The following CDH8 variants were observed in gnomAD, a reference collection of about 807,000 sequenced individuals.
CDH8 encodes the protein cadherin-8.
Under a neutral mutation model 68.1 loss-of-function variants are expected in CDH8, and 17 were observed. That is an observed-to-expected ratio of 0.25 (90% CI 0.17 to 0.37). The LOEUF (loss-of-function observed/expected upper bound fraction) is 0.37. Among genes scored for constraint, CDH8 ranks in the 10% least tolerant of loss-of-function variants. The pLI is 1.00. For synonymous variants in CDH8, 372 were observed against 365.1 expected (o/e 1.02, Z -0.21); for missense variants, 763 against 999.3 (o/e 0.76, Z 3.19).
intron 2 of CDH8, among the ~76,000 whole-genome samples, chr16:61,982,703 A>T (rs1025938308): frequency 1.3e-5 from 2 of 152,242 alleles, no homozygotes; most frequent in African/African-American, 2.4e-5. Flanking sequence ...GCCATTCTTA[A>T]TTCTAGAAGT....
chr16:61,780,247 C>T (rs1961014288), intron 8 of CDH8, among the ~76,000 whole-genome samples: 2 of 152,164 alleles, frequency 1.3e-5, no homozygotes, highest in South Asian at 2.1e-4. Context: ...GGGGTTGCTA[C>T]TAGCAGAGAT....
At chr16:61,804,502 A>T (rs908147481) in intron 7 of CDH8, among the ~76,000 whole-genome samples, 1 of 150,614 alleles carries the variant, frequency 6.6e-6, no homozygotes, top group East Asian at 2.0e-4. Context: ...GACACAAAAA[A>T]CCCTTCAAAA....
At chr16:61,947,097 A>G (rs566466413) in intron 2 of CDH8, among the ~76,000 whole-genome samples, 46 of 152,306 alleles carry the variant, frequency 3.0e-4, no homozygotes, top group African/African-American at 1.1e-3. Flanking sequence ...AAGAATTTCA[A>G]GACTGATCAA....
intron 2 of CDH8, among the ~76,000 whole-genome samples, chr16:61,959,966 GTGTA>G (rs200231632): frequency 0.022 from 1,223 of 54,968 alleles, 38 homozygotes; most frequent in African/African-American, 0.072. Flanking sequence ...TCTGTATGTG[GTGTA>G]TGTGTGTGTG....
chr16:61,835,644 C>T (rs1205431447), intron 4 of CDH8, among the ~76,000 whole-genome samples: 4 of 151,800 alleles, frequency 2.6e-5, no homozygotes, highest in African/African-American at 9.7e-5. Flanking sequence ...TTTCTTTTTT[C>T]CTAAATGAAA....
chr16:61,768,365 T>TCA, intron 8 of CDH8, among the ~76,000 whole-genome samples: 1 of 100,840 alleles, frequency 9.9e-6, no homozygotes, highest in African/African-American at 4.1e-5. Flanking sequence ...TCTCTCTCTC[T>TCA]CTCCCTTTCT....
At chr16:61,719,281 T>G (rs1015383864) in intron 9 of CDH8, among the ~76,000 whole-genome samples, 5 of 151,190 alleles carry the variant, frequency 3.3e-5, no homozygotes, top group Non-Finnish European at 7.4e-5. Flanking sequence ...AAGTCTTCAG[T>G]CCTCTGGGTA....
At chr16:61,746,936 G>A (rs1299102979) in intron 8 of CDH8, among the ~76,000 whole-genome samples, 1 of 152,032 alleles carries the variant, frequency 6.6e-6, no homozygotes, top group Non-Finnish European at 1.5e-5. Flanking sequence ...TGAACGATTA[G>A]CAGAATTCAA....
intron 4 of CDH8, among the ~76,000 whole-genome samples, chr16:61,826,336 T>C (rs184389435): frequency 1.1e-4 from 17 of 152,040 alleles, no homozygotes; most frequent in African/African-American, 4.1e-4. Context: ...TATTTTCCCA[T>C]GTCAAACAAC....
intron 3 of CDH8, among the ~76,000 whole-genome samples, chr16:61,899,164 T>C (rs1963923147): frequency 6.6e-6 from 1 of 152,128 alleles, no homozygotes; most frequent in South Asian, 2.1e-4. Context: ...GTGTGTGATG[T>C]TTCCTTCCCT....
chr16:62,011,367 CCAT>C (rs1288569549), intron 2 of CDH8, among the ~76,000 whole-genome samples: 1 of 152,184 alleles, frequency 6.6e-6, no homozygotes, highest in African/African-American at 2.4e-5. Context: ...TTGCTTTTCA[CCAT>C]CACCTGCAAT....
At chr16:61,888,328 G>A (rs1162234820) in intron 3 of CDH8, among the ~76,000 whole-genome samples, 1 of 152,160 alleles carries the variant, frequency 6.6e-6, no homozygotes, top group East Asian at 1.9e-4. Flanking sequence ...GTTCTAGTTG[G>A]TCCTCTGGGA....
intron 3 of CDH8, 87 bp downstream of exon 3, chr16:61,901,092 T>C (rs1354505614): frequency 5.7e-6 from 7 of 1,227,068 alleles, no homozygotes; most frequent in Non-Finnish European, 8.1e-6. Context: ...AATAAATGTC[T>C]TTCATTCAGC....
intron 3 of CDH8, among the ~76,000 whole-genome samples, chr16:61,889,453 C>T (rs1212540497): frequency 2.6e-5 from 4 of 152,152 alleles, no homozygotes. Flanking sequence ...GAAATCCCCA[C>T]TACCCATGAG....
chr16:61,941,690 C>A (rs923377006), intron 2 of CDH8, among the ~76,000 whole-genome samples: 1 of 152,228 alleles, frequency 6.6e-6, no homozygotes, highest in Non-Finnish European at 1.5e-5. Flanking sequence ...GATCCACCCC[C>A]CTTGCCCTCA....
intron 2 of CDH8, among the ~76,000 whole-genome samples, chr16:61,959,645 GAGAC>G (rs1320099445): frequency 6.6e-6 from 1 of 151,004 alleles, no homozygotes; most frequent in African/African-American, 2.4e-5. Flanking sequence ...TACACAGAAA[GAGAC>G]AGAGGGAGGA....
intron 2 of CDH8, among the ~76,000 whole-genome samples, chr16:61,904,927 A>G (rs1964038084): frequency 6.6e-6 from 1 of 152,236 alleles, no homozygotes; most frequent in Non-Finnish European, 1.5e-5. Context: ...CAGTGGCATT[A>G]GATTCTCATA....
intron 4 of CDH8, among the ~76,000 whole-genome samples, chr16:61,847,689 G>A: frequency 6.6e-6 from 1 of 151,492 alleles, no homozygotes; most frequent in Admixed American, 6.6e-5. Context: ...AGTTACTTTT[G>A]CCATAACATT....
In CDH8 at chr16:62,013,736, C is replaced by G. The variant is rs929013078; in HGVS notation, c.252+7416G>C. Among the ~76,000 whole-genome samples the G allele has an allele frequency of 2.6e-5, 4 of 152,016 alleles. No individual in the cohort carries two copies. In the East Asian group the frequency reaches 5.8e-4, roughly 22 times the overall value. On this transcript the variant is annotated intron_variant, in intron 2 of 11. Coordinates refer to ENST00000577390, the MANE Select transcript of CDH8 (RefSeq NM_001796.5). ...CCAGTCATGTAGCATTTATATTTGC[C>G]CAATGCTTCCCTGTGAATTTCAGCT...
Sources: allele counts gnomAD v4.1 joint callset (sites outside exome capture counted in the v4.1 genomes callset), GRCh38; gene constraint gnomAD v4.1.1; transcripts MANE v1.5; gene names NCBI Gene and HGNC (gene_info 2026-07-23, HGNC 2026-07-21).